The following MAFB variants were observed in gnomAD, a reference collection of about 807,000 sequenced individuals.
MAFB encodes the protein transcription factor MafB.
In MAFB, 3 loss-of-function variants were observed where a neutral mutation model predicts 17.7. The observed-to-expected ratio is 0.17, with a 90% CI of 0.08 to 0.44. The LOEUF is 0.44. Among genes scored for constraint, MAFB ranks in the 20% least tolerant of loss-of-function variants. The pLI, the probability that MAFB is intolerant of heterozygous loss-of-function variation, is 0.99. For synonymous variants in MAFB, 214 were observed against 211.5 expected (o/e 1.01, Z -0.10); for missense variants, 355 against 461.3 (o/e 0.77, Z 2.11).
rs1986894958 is a variant in MAFB, at chr20:40,688,512, G to C, written c.339C>G (p.Gly113=). The change falls in exon 1 of 1, where the codon GGC becomes GGG. Residue 113 remains glycine, a synonymous_variant. Coordinates refer to ENST00000373313, the MANE Select transcript of MAFB (RefSeq NM_005461.5). ...TPEDAVEALI[G]SHPVPQPLQS... is the part of the protein sequence containing the mutation. ...GCAGCGGCTGTGGCACTGGGTGCGAGCCGATGAGCGCTTCCACCGCGTCCT... is the reference window on the plus strand; with the variant it reads ...GCAGCGGCTGTGGCACTGGGTGCGACCCGATGAGCGCTTCCACCGCGTCCT... 1 of 1,613,296 alleles carries C rather than the reference G, an allele frequency of 6.2e-7. No homozygotes were observed. The highest frequency in any genetic ancestry group is 8.5e-7 in the Non-Finnish European group (1 of 1,179,870).
In MAFB at chr20:40,687,647, G is replaced by C. The variant is rs1456751639; in HGVS notation, c.*232C>G. 3 of 597,154 alleles carry C rather than the reference G, an allele frequency of 5.0e-6. No homozygotes were observed. Among genetic ancestry groups the C allele is most frequent in the Non-Finnish European group, 8.9e-6 (3 of 337,238 alleles). The allele number at this position is 597,154 out of a possible 1,614,324, so 37.0% of individuals were successfully genotyped here. A position where few individuals can be genotyped will look rare whatever the true frequency, so the allele number is the denominator to read the frequency against. ...CTCGTCTCTCTCTCCGGCTCTGCTC[G>C]AGTCTAGGAGGCGGCGCTGGCGTGC... On this transcript the variant is annotated 3_prime_UTR_variant, in exon 1 of 1. Transcript: ENST00000373313.
rs963715437 is a variant in MAFB, at chr20:40,688,734, C to T, written c.117G>A (p.Ala39=). ...GTGTGCAGGGCCTGCCCGGACGCTCCGCGCGCCCCAGTGGCTCCTTCTTCA... is the reference window on the plus strand; with the variant it reads ...GTGTGCAGGGCCTGCCCGGACGCTCTGCGCGCCCCAGTGGCTCCTTCTTCA... ...FDVKKEPLGR[A]ERPGRPCTRL... is the part of the protein sequence containing the mutation. Residue 39 remains alanine (A), a synonymous_variant, in exon 1 of 1, where the codon GCG becomes GCA. Coordinates refer to ENST00000373313, the MANE Select transcript of MAFB (RefSeq NM_005461.5). 7 of 1,613,890 alleles carry T rather than the reference C, an allele frequency of 4.3e-6. No individual in the cohort carries two copies. The highest frequency in any genetic ancestry group is 5.9e-6 in the Non-Finnish European group (7 of 1,179,896).
In MAFB at chr20:40,687,835, G is replaced by A; in HGVS notation, c.*44C>T. ...TCTGGGACTAGGGACGTGGGACAGG[G>A]AGTCCGGGCCGGGGCAAGGGCGGGG... is the stretch of plus-strand genomic sequence containing the variant. On this transcript the variant is annotated 3_prime_UTR_variant, in exon 1 of 1. Transcript: ENST00000373313. The A allele has an allele frequency of 1.9e-6, 3 of 1,587,066 alleles. No homozygotes were observed. Among genetic ancestry groups the A allele is most frequent in the Non-Finnish European group, 2.6e-6 (3 of 1,171,254 alleles).
chr20:40,686,303 A>G lies in MAFB; in HGVS notation c.*1576T>C, dbSNP rs748044719. The G allele has an allele frequency of 2.2e-5, 5 of 229,558 alleles. No individual in the cohort carries two copies. Among genetic ancestry groups the G allele is most frequent in the Non-Finnish European group, 3.4e-5 (4 of 116,496 alleles). The allele number at this position is 229,558 out of a possible 1,614,324, so 14.2% of individuals were successfully genotyped here. A position where few individuals can be genotyped will look rare whatever the true frequency, so the allele number is the denominator to read the frequency against. On this transcript the variant is annotated 3_prime_UTR_variant, in exon 1 of 1. Transcript: ENST00000373313. The stretch of plus-strand genomic sequence containing the variant: ...GACCTGCAGAAAAAAAAAAGTAATA[A>G]TAAAGAAAAACACCCATATCTTCCC...
At position 40,686,365 on chromosome 20, in the gene MAFB, G is replaced by T. The variant is rs949527199; in HGVS notation, c.*1514C>A. On this transcript the variant is annotated 3_prime_UTR_variant, in exon 1 of 1. Coordinates refer to ENST00000373313, the MANE Select transcript of MAFB (RefSeq NM_005461.5). ...TACAACTGAAGAATTGAAGGGGGGG[G>T]ACACCACCAAGAACTCTTCCTACTA... The T allele has an allele frequency of 3.0e-5, 8 of 265,492 alleles. No individual in the cohort carries two copies. Among genetic ancestry groups the T allele is most frequent in the Admixed American group, 5.4e-5 (1 of 18,638 alleles). The allele number at this position is 265,492 out of a possible 1,614,324, so 16.4% of individuals were successfully genotyped here.
chr20:40,688,149 G>A lies in MAFB; in HGVS notation c.702C>T (p.Asp234=). The A allele has an allele frequency of 2.5e-6, 4 of 1,611,772 alleles. No individual in the cohort carries two copies. Among genetic ancestry groups the A allele is most frequent in the Middle Eastern group, 3.3e-4 (2 of 6,000 alleles). Residue 234 remains aspartate, a synonymous_variant, in exon 1 of 1, where the codon GAC becomes GAT. Coordinates refer to ENST00000373313, the MANE Select transcript of MAFB (RefSeq NM_005461.5). ...GCTTCTGCTTCAGGCGGATCACCTC[G>A]TCCTTGGTGAAGCCCCGCAGGTGGC... ...LNRHLRGFTK[D]EVIRLKQKRR... is the part of the protein sequence containing the mutation.
Position 40,688,859 on chromosome 20 carries a change from C to T in MAFB, c.-9G>A, listed in dbSNP as rs761977936. The T allele has an allele frequency of 6.3e-7, 1 of 1,577,358 alleles. No individual in the cohort carries two copies. The highest frequency in any genetic ancestry group is 8.6e-7 in the Non-Finnish European group (1 of 1,164,288). On this transcript the variant is annotated 5_prime_UTR_variant, in exon 1 of 1. Coordinates refer to ENST00000373313, the MANE Select transcript of MAFB (RefSeq NM_005461.5). ...CTCAGCTCCGCGGCCATCGCTGAAG[C>T]GAGGCGCAGCCGCCGCTGCCGCCCG...
rs886056671 is a variant in MAFB at position 40,687,650 on chromosome 20, T to C, written c.*229A>G. 10 of 601,866 alleles carry C rather than the reference T, an allele frequency of 1.7e-5. No homozygotes were observed. The highest frequency in any genetic ancestry group is 4.0e-5 in the South Asian group (2 of 49,448). The allele number at this position is 601,866 out of a possible 1,614,324, so 37.3% of individuals were successfully genotyped here. A position where few individuals can be genotyped will look rare whatever the true frequency, so the allele number is the denominator to read the frequency against. ...GTCTCTCTCTCCGGCTCTGCTCGAG[T>C]CTAGGAGGCGGCGCTGGCGTGCGCT... is the stretch of plus-strand genomic sequence containing the variant. On this transcript the variant is annotated 3_prime_UTR_variant, in exon 1 of 1. Coordinates refer to ENST00000373313, the MANE Select transcript of MAFB (RefSeq NM_005461.5).
In MAFB at chr20:40,688,186, C is replaced by A; in HGVS notation, c.665G>T (p.Arg222Leu). The A allele has an allele frequency of 1.2e-6, 2 of 1,604,014 alleles. No homozygotes were observed. The highest frequency in any genetic ancestry group is 8.5e-7 in the Non-Finnish European group (1 of 1,178,598). The change falls in exon 1 of 1, where the codon CGC becomes CTC. Residue 222 changes from arginine to leucine, a missense_variant. By Grantham distance (102) the Arg-to-Leu change is moderately radical (BLOSUM62 -2). Around this residue, in one of 3 missense-constraint regions of MAFB, gnomAD observed 285 missense variants for 350.0 expected, o/e 0.81. Coordinates refer to ENST00000373313, the MANE Select transcript of MAFB (RefSeq NM_005461.5). ...SDDQLVSMSV[R>L]ELNRHLRGFT... is the part of the protein sequence containing the mutation. ...GCCCCGCAGGTGGCGGTTCAGCTCG[C>A]GCACGGACATGGACACGAGCTGGTC...
rs1192778858 is a variant in MAFB, at chr20:40,686,896, A to T, written c.*983T>A. ...GAAGGAAAGAAAACATGCAACTTCC[A>T]AGTGTGCCCCAAGACAAAGTTGTTT... On this transcript the variant is annotated 3_prime_UTR_variant, in exon 1 of 1. Transcript: ENST00000373313. 8 of 398,776 alleles carry T rather than the reference A, an allele frequency of 2.0e-5. No homozygotes were observed. Among genetic ancestry groups the T allele is most frequent in the Non-Finnish European group, 3.5e-5 (8 of 226,082 alleles). The allele number at this position is 398,776 out of a possible 1,614,324, so 24.7% of individuals were successfully genotyped here. A position where few individuals can be genotyped will look rare whatever the true frequency, so the allele number is the denominator to read the frequency against.
In MAFB at chr20:40,687,084, C is replaced by A. The variant is rs886056667; in HGVS notation, c.*795G>T. ...TACAAGCCTACAGCTGGGACTGAAA[C>A]CCCGCACGCAGCCGCCGGAGTTTCC... On this transcript the variant is annotated 3_prime_UTR_variant, in exon 1 of 1. Transcript: ENST00000373313. The A allele has an allele frequency of 2.5e-6, 1 of 398,842 alleles. No individual in the cohort carries two copies. The allele number at this position is 398,842 out of a possible 1,614,324, so 24.7% of individuals were successfully genotyped here.
In MAFB at chr20:40,688,930, G is replaced by T. The variant is rs1274578301; in HGVS notation, c.-80C>A. 27 of 1,499,324 alleles carry T rather than the reference G, an allele frequency of 1.8e-5. No homozygotes were observed. The highest frequency in any genetic ancestry group is 2.0e-4 in the Middle Eastern group (1 of 4,990). The allele number at this position is 1,499,324 out of a possible 1,614,324, so 92.9% of individuals were successfully genotyped here. ...GAGCGCGCCGAGCCAAGCGCGGGGG[G>T]GAAGAGCGGAGAAGAGCTGGGGAGG... On this transcript the variant is annotated 5_prime_UTR_variant, in exon 1 of 1. Coordinates refer to ENST00000373313, the MANE Select transcript of MAFB (RefSeq NM_005461.5).
chr20:40,688,483 C>G lies in MAFB; in HGVS notation c.368G>C (p.Ser123Thr), dbSNP rs767671011. 159 of 1,610,886 alleles carry G rather than the reference C, an allele frequency of 9.9e-5. No individual in the cohort carries two copies. Among genetic ancestry groups the G allele is most frequent in the Admixed American group, 1.7e-4 (10 of 59,984 alleles). The change falls in exon 1 of 1, where the codon AGC becomes ACC. Residue 123 changes from serine to threonine, a missense_variant. By Grantham distance (58) the Ser-to-Thr change is moderately conservative. Coordinates refer to ENST00000373313, the MANE Select transcript of MAFB (RefSeq NM_005461.5). ...GTGAGCGCCGCGAAAGCTGTCGAAG[C>G]TTTGCAGCGGCTGTGGCACTGGGTG... ...GSHPVPQPLQ[S>T]FDSFRGAHHH...
Position 40,687,207 on chromosome 20 carries a change from T to C in MAFB, c.*672A>G. ...CAAGAAAATGGTACAAAATAGAAATTATTACCATACATGTCCAGCATGCAG... is the reference window on the plus strand; with the variant it reads ...CAAGAAAATGGTACAAAATAGAAATCATTACCATACATGTCCAGCATGCAG... On this transcript the variant is annotated 3_prime_UTR_variant, in exon 1 of 1. Transcript: ENST00000373313. The C allele has an allele frequency of 2.5e-6, 1 of 398,882 alleles. No individual in the cohort carries two copies. Among genetic ancestry groups the C allele is most frequent in the Non-Finnish European group, 4.4e-6 (1 of 226,098 alleles). The allele number at this position is 398,882 out of a possible 1,614,324, so 24.7% of individuals were successfully genotyped here. A position where few individuals can be genotyped will look rare whatever the true frequency, so the allele number is the denominator to read the frequency against.
Position 40,686,355 on chromosome 20 carries a change from GA to G in MAFB, c.*1523del. 2 of 258,454 alleles carry G rather than the reference GA, an allele frequency of 7.7e-6. No homozygotes were observed. The highest frequency in any genetic ancestry group is 1.5e-5 in the Non-Finnish European group (2 of 136,316). 16.0% of individuals were successfully genotyped at this position (258,454 alleles called of 1,614,324 possible). On this transcript the variant is annotated 3_prime_UTR_variant, in exon 1 of 1. Coordinates refer to ENST00000373313, the MANE Select transcript of MAFB (RefSeq NM_005461.5). ...ATAACTACTATACAACTGAAGAATT[GA>G]AGGGGGGGGACACCACCAAGAACTC...
chr20:40,687,941 A>C lies in MAFB; in HGVS notation c.910T>G (p.Ser304Ala), dbSNP rs768925372. Residue 304 changes from serine (S) to alanine (A), a missense_variant, in exon 1 of 1, where the codon TCC becomes GCC. Around this residue, in one of 3 missense-constraint regions of MAFB, gnomAD observed 63 missense variants for 69.4 expected, o/e 0.91. Coordinates refer to ENST00000373313, the MANE Select transcript of MAFB (RefSeq NM_005461.5). ...GTGGAGCCCGCCTCCCTGAAGCCGG[A>C]GTTGGCGAGTTTCTCGCACTTGACC... is the stretch of plus-strand genomic sequence containing the variant. ...YKVKCEKLAN[S>A]GFREAGSTSD... 4.5e-5 allele frequency: 73 copies of C among 1,613,562 alleles called. No individual in the cohort carries two copies. In the Admixed American group the frequency reaches 1.2e-3, roughly 27 times the overall value.
Position 40,688,420 on chromosome 20 carries a change from G to C in MAFB, c.431C>G (p.Ala144Gly). ...HHHHHPHPHHAYPGAGVAHDE... is the reference protein window; with the variant it reads ...HHHHHPHPHHGYPGAGVAHDE... ...GTGGGCCACGCCGGCGCCCGGGTAC[G>C]CGTGGTGCGGGTGAGGGTGGTGGTG... Residue 144 changes from alanine (A) to glycine (G), a missense_variant, in exon 1 of 1, where the codon GCG becomes GGG. Physicochemically the swap from Ala to Gly is moderately conservative, Grantham distance 60. Coordinates refer to ENST00000373313, the MANE Select transcript of MAFB (RefSeq NM_005461.5). The C allele has an allele frequency of 1.3e-6, 2 of 1,584,416 alleles. No individual in the cohort carries two copies. Among genetic ancestry groups the C allele is most frequent in the Non-Finnish European group, 1.7e-6 (2 of 1,169,976 alleles).
In MAFB at chr20:40,689,171, C is replaced by T. The variant is rs1392249738; in HGVS notation, c.-321G>A. The T allele has an allele frequency of 1.6e-5, 6 of 372,968 alleles. No homozygotes were observed. Among genetic ancestry groups the T allele is most frequent in the Non-Finnish European group, 2.9e-5 (6 of 206,766 alleles). The allele number at this position is 372,968 out of a possible 1,614,324, so 23.1% of individuals were successfully genotyped here. A position where few individuals can be genotyped will look rare whatever the true frequency, so the allele number is the denominator to read the frequency against. ...GCGTGGGGCGAGTGCCCGTTGCTCGCTCTCTAGCTCTCTTGCTCTTACGCT... is the reference window on the plus strand; with the variant it reads ...GCGTGGGGCGAGTGCCCGTTGCTCGTTCTCTAGCTCTCTTGCTCTTACGCT... On this transcript the variant is annotated 5_prime_UTR_variant, in exon 1 of 1. Transcript: ENST00000373313.
rs886056676 is a variant in MAFB, at chr20:40,689,021, G to A, written c.-171C>T. 2.1e-6 allele frequency: 2 copies of A among 936,402 alleles called. No individual in the cohort carries two copies. The highest frequency in any genetic ancestry group is 4.1e-5 in the Admixed American group (1 of 24,550). 58.0% of individuals were successfully genotyped at this position (936,402 alleles called of 1,614,324 possible). ...CCTTTGTCTGGGGACGCGGCGGCGCGCCGGAGAGTCCCGAGGCTGCCTGCA... is the reference window on the plus strand; with the variant it reads ...CCTTTGTCTGGGGACGCGGCGGCGCACCGGAGAGTCCCGAGGCTGCCTGCA... On this transcript the variant is annotated 5_prime_UTR_variant, in exon 1 of 1. Coordinates refer to ENST00000373313, the MANE Select transcript of MAFB (RefSeq NM_005461.5).
Sources: gnomAD v4.1 joint callset for allele counts on GRCh38, gnomAD v4.1.1 for gene constraint, gnomAD v4.1.1 regional missense constraint, MANE v1.5 for transcripts, NCBI Gene and HGNC (gene_info 2026-07-23, HGNC 2026-07-21) for gene names.